Variants in CDH8 observed in about 807,000 individuals in gnomAD.
CDH8 encodes the protein cadherin-8.
Under a neutral mutation model 68.1 loss-of-function variants are expected in CDH8, and 17 were observed. The ratio of observed to expected loss-of-function variants is 0.25; its 90% CI spans 0.17 to 0.37. The LOEUF (loss-of-function observed/expected upper bound fraction) is 0.37. CDH8 is among the 10% of genes least tolerant of loss of function. The pLI is 1.00. For synonymous variants in CDH8, 372 were observed against 365.1 expected, an observed-to-expected ratio of 1.02 and a Z score of -0.21; for missense variants, 763 against 999.3, an observed-to-expected ratio of 0.76 and a Z score of 3.19.
intron 8 of CDH8, among the ~76,000 whole-genome samples, chr16:61,761,842 A>G (rs1445225769): frequency 6.6e-6 from 1 of 152,004 alleles, no homozygotes; most frequent in Non-Finnish European, 1.5e-5. Context: ...GTCTCTACAA[A>G]AAATAAAACT....
chr16:61,906,011 G>A (rs574359268), intron 2 of CDH8, among the ~76,000 whole-genome samples: 21 of 152,212 alleles, frequency 1.4e-4, no homozygotes, highest in South Asian at 1.2e-3. Flanking sequence ...CATAGTATGG[G>A]AGAGAAACTA....
chr16:61,800,583 A>T (rs1961599326), intron 7 of CDH8, among the ~76,000 whole-genome samples: 1 of 152,198 alleles, frequency 6.6e-6, no homozygotes, highest in African/African-American at 2.4e-5. Context: ...CTCATTTACT[A>T]TGAAGGTGTG....
At chr16:61,734,601 T>A (rs1407966851) in intron 8 of CDH8, among the ~76,000 whole-genome samples, 1 of 152,186 alleles carries the variant, frequency 6.6e-6, no homozygotes, top group East Asian at 1.9e-4. Flanking sequence ...TCCAGAAGGC[T>A]TTTGTTAGAA....
chr16:61,977,643 G>A (rs1965460557), intron 2 of CDH8, among the ~76,000 whole-genome samples: 1 of 152,112 alleles, frequency 6.6e-6, no homozygotes, highest in South Asian at 2.1e-4. Flanking sequence ...GAGATTTGGG[G>A]AGGTAAAGTG....
At chr16:61,928,790 C>T (rs1395523708) in intron 2 of CDH8, among the ~76,000 whole-genome samples, 1 of 152,166 alleles carries the variant, frequency 6.6e-6, no homozygotes, top group Non-Finnish European at 1.5e-5. Flanking sequence ...GAGGCCTACA[C>T]ATTTGGGCCT....
chr16:61,825,592 C>T (rs1962313558), intron 4 of CDH8, among the ~76,000 whole-genome samples: 1 of 151,726 alleles, frequency 6.6e-6, no homozygotes, highest in Non-Finnish European at 1.5e-5. Context: ...AGCTTGAAGG[C>T]TCTGAGGTCA....
At chr16:61,843,562 TAC>T (rs998549739) in intron 4 of CDH8, among the ~76,000 whole-genome samples, 1 of 152,184 alleles carries the variant, frequency 6.6e-6, no homozygotes, top group Non-Finnish European at 1.5e-5. Context: ...GAACTTTACA[TAC>T]CAAGTTGTCT....
At chr16:61,703,701 C>T (rs748171424) in intron 10 of CDH8, among the ~76,000 whole-genome samples, 5 of 151,876 alleles carry the variant, frequency 3.3e-5, no homozygotes, top group Non-Finnish European at 7.4e-5. Flanking sequence ...ATTAGCCGGG[C>T]GTGGTGGCAG....
chr16:61,698,210 T>C (rs1964363065), intron 10 of CDH8, among the ~76,000 whole-genome samples: 1 of 152,186 alleles, frequency 6.6e-6, no homozygotes, highest in Admixed American at 6.5e-5. Context: ...GTATAATTAT[T>C]TGTGTTTTTT....
chr16:61,854,655 G>A (rs1309331193), intron 4 of CDH8, among the ~76,000 whole-genome samples: 1 of 152,100 alleles, frequency 6.6e-6, no homozygotes, highest in Non-Finnish European at 1.5e-5. Flanking sequence ...GGGGGTATTT[G>A]CTTTCCATAT....
chr16:61,847,073 G>A (rs1962821805), intron 4 of CDH8, among the ~76,000 whole-genome samples: 1 of 152,028 alleles, frequency 6.6e-6, no homozygotes, highest in Admixed American at 6.6e-5. Context: ...TTGAAATCCA[G>A]CATCTCCTGG....
Position 61,653,140 on chromosome 16 carries a change from C to T in CDH8, c.*468G>A. 7.3e-6 allele frequency: 9 copies of T among 1,236,610 alleles called. No individual in the cohort carries two copies. In the South Asian group the frequency reaches 3.6e-4, roughly 50 times the overall value. The allele number at this position is 1,236,610 out of a possible 1,614,324, so 76.6% of individuals were successfully genotyped here. A position where few individuals can be genotyped will look rare whatever the true frequency, so the allele number is the denominator to read the frequency against. ...ATAATGTACAGCAGACCAAGTATTG[C>T]TTTATCATTTGTGGCGGGATCCTTA... On this transcript the variant is annotated 3_prime_UTR_variant, in exon 12 of 12. Transcript: ENST00000577390.
intron 8 of CDH8, among the ~76,000 whole-genome samples, chr16:61,777,349 A>G (rs1960927502): frequency 1.3e-5 from 2 of 152,160 alleles, no homozygotes; most frequent in Non-Finnish European, 2.9e-5. Context: ...AAAAGCTAGC[A>G]TTCATGTTTT....
intron 2 of CDH8, among the ~76,000 whole-genome samples, chr16:61,967,780 A>T (rs915517051): frequency 6.6e-6 from 1 of 152,076 alleles, no homozygotes; most frequent in Non-Finnish European, 1.5e-5. Context: ...CTTATACGAC[A>T]GTTGAATTTA....
chr16:61,783,774 C>T (rs1288925040), intron 8 of CDH8, among the ~76,000 whole-genome samples: 2 of 151,836 alleles, frequency 1.3e-5, no homozygotes, highest in Non-Finnish European at 2.9e-5. Flanking sequence ...GAGAGTGGGG[C>T]CAATATTCAA....
intron 8 of CDH8, among the ~76,000 whole-genome samples, chr16:61,751,612 C>T (rs957728236): frequency 4.6e-5 from 7 of 151,936 alleles, no homozygotes; most frequent in Admixed American, 2.0e-4. Flanking sequence ...TTCATGGGGT[C>T]GCTGCATAAA....
intron 7 of CDH8, among the ~76,000 whole-genome samples, chr16:61,802,141 CA>C (rs1184028946): frequency 7.7e-6 from 1 of 130,254 alleles, no homozygotes; most frequent in African/African-American, 3.2e-5. Context: ...ACTGCCTCCT[CA>C]AGTGGGTCCC....
At chr16:61,677,441 A>T (rs975093671) in intron 10 of CDH8, among the ~76,000 whole-genome samples, 1 of 151,860 alleles carries the variant, frequency 6.6e-6, no homozygotes, top group Non-Finnish European at 1.5e-5. Flanking sequence ...TTTCCTAAAA[A>T]GTCCCCAACT....
At position 61,953,895 on chromosome 16, in the gene CDH8, T is replaced by TTATATATATATATATA. The variant is rs66743095; in HGVS notation, c.253-52438_253-52423dup. Among the ~76,000 whole-genome samples the TTATATATATATATATA allele has an allele frequency of 9.5e-4, 113 of 118,816 alleles. 1 individual carries two copies. Among genetic ancestry groups the TTATATATATATATATA allele is most frequent in the African/African-American group, 2.8e-3 (75 of 26,558 alleles). 77.9% of individuals were successfully genotyped at this position (118,816 alleles called of 152,430 possible). A position where few individuals can be genotyped will look rare whatever the true frequency, so the allele number is the denominator to read the frequency against. ...CTGTCTCAAAAAGAAAAAAAAAACT[T>TTATATATATATATATA]TATATATATATATATATATATATAT... On this transcript the variant is annotated intron_variant, in intron 2 of 11. Coordinates refer to ENST00000577390, the MANE Select transcript of CDH8 (RefSeq NM_001796.5).
Sources: gnomAD v4.1 joint callset for allele counts (sites outside exome capture counted in the v4.1 genomes callset) on GRCh38, gnomAD v4.1.1 for gene constraint, MANE v1.5 for transcripts, NCBI Gene and HGNC (gene_info 2026-07-23, HGNC 2026-07-21) for gene names.